Variants in MSH3 observed in about 807,000 individuals in gnomAD.
MSH3 encodes mutS homolog 3.
A neutral mutation model predicts 123.3 loss-of-function variants in MSH3; 106 were observed. That is an observed-to-expected ratio of 0.86 (90% CI 0.73 to 1.01). MSH3 has a LOEUF of 1.01. Ranked by LOEUF, MSH3 falls within the 50% of genes least tolerant of loss-of-function variation. The probability of loss-of-function intolerance (pLI) is 0.00; values close to 1 mark genes in which losing one functional copy is unlikely to be tolerated. For missense variants in MSH3, 1,459 were observed against 1,347.6 expected (o/e 1.08, Z -1.29); for synonymous variants, 515 against 481.4 (o/e 1.07, Z -0.91).
chr5:80,797,348 C>G (rs1744716033), intron 19 of MSH3, among the ~76,000 whole-genome samples: 1 of 152,216 alleles, frequency 6.6e-6, no homozygotes, highest in Non-Finnish European at 1.5e-5. Flanking sequence ...TCACAGTTCT[C>G]TGGCACATAG....
At chr5:80,832,906 TC>T (rs1403380100) in intron 20 of MSH3, among the ~76,000 whole-genome samples, 2 of 152,146 alleles carry the variant, frequency 1.3e-5, no homozygotes, top group Non-Finnish European at 2.9e-5. Flanking sequence ...ACTAGCATTT[TC>T]CTTGCAAAAG....
At chr5:80,739,312 G>T (rs1316140830) in intron 10 of MSH3, among the ~76,000 whole-genome samples, 1 of 152,180 alleles carries the variant, frequency 6.6e-6, no homozygotes, top group East Asian at 1.9e-4. Context: ...GTGAACTCTT[G>T]TCAGCTACAT....
intron 8 of MSH3, among the ~76,000 whole-genome samples, chr5:80,717,134 T>G (rs1750979733): frequency 6.6e-6 from 1 of 152,218 alleles, no homozygotes; most frequent in Non-Finnish European, 1.5e-5. Context: ...GCTGAGTCCA[T>G]AACTTGGCTG....
At position 80,767,195 on chromosome 5, in the gene MSH3, A is replaced by G. The variant is rs1422837149; in HGVS notation, c.1897-738A>G. On this transcript the variant is annotated intron_variant, in intron 13 of 23. Transcript: ENST00000265081. Reference sequence around the variant, plus strand: ...AAGCAGCGCTACTATGAATATTCAGACACACATATTTTTCACTATTTGTTA... The same window carrying G: ...AAGCAGCGCTACTATGAATATTCAGGCACACATATTTTTCACTATTTGTTA... Among the ~76,000 whole-genome samples, 4 of 144,646 alleles carry G rather than the reference A, an allele frequency of 2.8e-5. 1 individual carries two copies. The Admixed American group carries it at 2.8e-4, about 10-fold the overall frequency. 94.9% of individuals were successfully genotyped at this position (144,646 alleles called of 152,430 possible).
chr5:80,655,184 C>G (rs1218091644), intron 1 of MSH3: 2 of 416,032 alleles, frequency 4.8e-6, no homozygotes, highest in Non-Finnish European at 8.5e-6. Context: ...AAAGGTTATG[C>G]AGGTTTTTAA....
Position 80,778,742 on chromosome 5 carries a change from C to A in MSH3, c.2341C>A (p.His781Asn). The A allele has an allele frequency of 1.2e-6, 2 of 1,611,516 alleles. No individual in the cohort carries two copies. Among genetic ancestry groups the A allele is most frequent in the Non-Finnish European group, 1.7e-6 (2 of 1,177,614 alleles). Reference sequence around the variant, plus strand: ...TAGCACAAAAGCTGTGAGCCGCTTTCACTCTCCTTTTATTGTAGAAAATTA... The same window carrying A: ...TAGCACAAAAGCTGTGAGCCGCTTTAACTCTCCTTTTATTGTAGAAAATTA... ...VGSTKAVSRF[H>N]SPFIVENYRH... is the part of the protein sequence containing the mutation. The change falls in exon 17 of 24, where the codon CAC (histidine) becomes AAC (asparagine). Residue 781 changes from histidine (H) to asparagine (N), a missense_variant. His to Asn is a moderately conservative substitution (Grantham distance 68). Transcript: ENST00000265081.
chr5:80,844,708 A>T (rs1001065328), intron 20 of MSH3, among the ~76,000 whole-genome samples: 2 of 140,904 alleles, frequency 1.4e-5, no homozygotes, highest in African/African-American at 5.3e-5. Context: ...TTTATCAGAG[A>T]CTAGGATTGC....
intron 8 of MSH3, among the ~76,000 whole-genome samples, chr5:80,679,797 G>C (rs540121520): frequency 6.6e-6 from 1 of 152,178 alleles, no homozygotes; most frequent in African/African-American, 2.4e-5. Context: ...AGTGCTAAAC[G>C]TGAAGGTGCC....
chr5:80,865,059 A>G (rs1746077018), intron 22 of MSH3, 117 bp downstream of exon 22: 1 of 1,069,004 alleles, frequency 9.4e-7, no homozygotes, highest in South Asian at 1.3e-5. Context: ...GTGAGCTATA[A>G]ATAACATTTG....
At position 80,778,155 on chromosome 5, in the gene MSH3, A is replaced by G. The variant is rs576678634; in HGVS notation, c.2319-565A>G. The stretch of plus-strand genomic sequence containing the variant: ...GAGCAGAGATGATACTCAAGCCCAG[A>G]TGGGGAGCATGTGGTATTTCTTCCT... On this transcript the variant is annotated intron_variant, in intron 16 of 23. Coordinates refer to ENST00000265081, the MANE Select transcript of MSH3 (RefSeq NM_002439.5). Among the ~76,000 whole-genome samples the G allele has an allele frequency of 5.4e-4, 83 of 152,312 alleles. 1 individual carries two copies. The highest frequency in any genetic ancestry group is 3.4e-4 in the Non-Finnish European group (23 of 68,026).
At chr5:80,736,575 A>G (rs1362008282) in intron 10 of MSH3, among the ~76,000 whole-genome samples, 1 of 152,154 alleles carries the variant, frequency 6.6e-6, no homozygotes, top group Non-Finnish European at 1.5e-5. Context: ...GAATTTCGGG[A>G]GAGTTTTCAC....
In MSH3 at chr5:80,819,466, G is replaced by GTGTGTGTA. The variant is rs773803699; in HGVS notation, c.2813+5726_2813+5727insGTGTGTAT. ...TGTATATGTGTGTGTGTGTGTGTGT[G>GTGTGTGTA]TATATATATATATAATTTTTTTTTT... On this transcript the variant is annotated intron_variant, in intron 20 of 23. Coordinates refer to ENST00000265081, the MANE Select transcript of MSH3 (RefSeq NM_002439.5). Among the ~76,000 whole-genome samples the GTGTGTGTA allele has an allele frequency of 3.8e-4, 55 of 145,790 alleles. 1 individual carries two copies. The highest frequency in any genetic ancestry group is 2.8e-3 in the East Asian group (14 of 5,072).
rs533097251 is a variant in MSH3, at chr5:80,841,706, T to C, written c.2814-12424T>C. 2.6e-5 allele frequency among the ~76,000 whole-genome samples: 4 copies of C among 152,396 alleles called. No homozygotes were observed. The South Asian group carries it at 8.3e-4, about 32-fold the overall frequency. ...CTGTTGGCTGCATGAATGTTTTCTTTTGAGAAGTGTCTGTTCATATCCTTT... is the reference window on the plus strand; with the variant it reads ...CTGTTGGCTGCATGAATGTTTTCTTCTGAGAAGTGTCTGTTCATATCCTTT... On this transcript the variant is annotated intron_variant, in intron 20 of 23. Coordinates refer to ENST00000265081, the MANE Select transcript of MSH3 (RefSeq NM_002439.5).
At chr5:80,827,692 CTTATTTCATCTTTTTCATGGGAAA>C (rs1745344568) in intron 20 of MSH3, among the ~76,000 whole-genome samples, 2 of 152,130 alleles carry the variant, frequency 1.3e-5, no homozygotes, top group African/African-American at 4.8e-5. Flanking sequence ...CACTAGTTAT[CTTATTTCATCTTTTTCATGGGAAA>C]TTATTTTATG....
chr5:80,833,129 A>G (rs1459990058), intron 20 of MSH3, among the ~76,000 whole-genome samples: 1 of 152,178 alleles, frequency 6.6e-6, no homozygotes, highest in African/African-American at 2.4e-5. Context: ...TATAAGGGTT[A>G]TAGGCGAGGA....
At chr5:80,712,265 T>C (rs1750875258) in intron 8 of MSH3, among the ~76,000 whole-genome samples, 2 of 152,338 alleles carry the variant, frequency 1.3e-5, no homozygotes, top group South Asian at 4.1e-4. Context: ...CTCTTCTTTC[T>C]CTTTTCTAAT....
intron 22 of MSH3, among the ~76,000 whole-genome samples, chr5:80,868,909 C>T (rs1318941805): frequency 6.6e-6 from 1 of 152,084 alleles, no homozygotes; most frequent in African/African-American, 2.4e-5. Context: ...AATATTGTTC[C>T]TGGCTATATC....
At chr5:80,658,036 T>C (rs375162431) in intron 2 of MSH3, among the ~76,000 whole-genome samples, 6 of 61,332 alleles carry the variant, frequency 9.8e-5, no homozygotes, top group Admixed American at 1.6e-4. Flanking sequence ...CTTTTTGCCC[T>C]CTTTTTTTTT....
chr5:80,833,720 C>T (rs917300605), intron 20 of MSH3, among the ~76,000 whole-genome samples: 5 of 152,208 alleles, frequency 3.3e-5, no homozygotes, highest in African/African-American at 2.4e-5. Context: ...GGATTACAGG[C>T]GTGAGCCACC....
Sources: allele counts gnomAD v4.1 joint callset (sites outside exome capture counted in the v4.1 genomes callset), GRCh38; gene constraint gnomAD v4.1.1; transcripts MANE v1.5; gene names NCBI Gene and HGNC (gene_info 2026-07-23, HGNC 2026-07-21).